Variants in UPF2 observed in about 807,000 individuals in gnomAD.
The protein encoded by UPF2 is regulator of nonsense transcripts 2.
A neutral mutation model predicts 141.4 loss-of-function variants in UPF2; 17 were observed. That is an observed-to-expected ratio of 0.12 (90% confidence interval 0.08 to 0.18). The LOEUF (loss-of-function observed/expected upper bound fraction) is 0.18. UPF2 is among the 10% of genes least tolerant of loss of function. The pLI is 1.00. For missense variants in UPF2, 1,152 were observed against 1,515.9 expected (o/e 0.76, Z 3.99); for synonymous variants, 540 against 498.0 (o/e 1.08, Z -1.12).
chr10:12,000,127 ACATT>A, intron 6 of UPF2, 118 bp from the exon 7 acceptor site: 1 of 769,980 alleles, frequency 1.3e-6, no homozygotes. Flanking sequence ...GCCCAGGAAA[ACATT>A]AGTCATTTTT....
intron 15 of UPF2, among the ~76,000 whole-genome samples, chr10:11,951,681 T>C (rs1458143576): frequency 6.6e-6 from 1 of 152,236 alleles, no homozygotes; most frequent in East Asian, 1.9e-4. Context: ...ACAGTTTCTT[T>C]GCTTGCACTT....
chr10:11,932,749 C>T (rs1832798170), intron 19 of UPF2, among the ~76,000 whole-genome samples: 1 of 152,048 alleles, frequency 6.6e-6, no homozygotes, highest in Non-Finnish European at 1.5e-5. Context: ...AACATAATAG[C>T]AATGAAGGTG....
Position 11,959,084 on chromosome 10 carries a change from A to AC in UPF2, c.2370+86dup. On this transcript the variant is annotated intron_variant, in intron 12 of 21. Transcript: ENST00000357604. The surrounding 1 kb of genome is among the most constrained non-coding windows in gnomAD (Gnocchi z 5.9). ...CTGATTATAAAGGAACTTGAGCTCT[A>AC]CCCCCACTTCTCCTAGACTCTACAT... is the stretch of plus-strand genomic sequence containing the variant. The AC allele has an allele frequency of 7.7e-7, 1 of 1,306,212 alleles. No individual in the cohort carries two copies. 80.9% of individuals were successfully genotyped at this position (1,306,212 alleles called of 1,614,324 possible). A position where few individuals can be genotyped will look rare whatever the true frequency, so the allele number is the denominator to read the frequency against.
chr10:12,022,070 G>A (rs1216684852), intron 3 of UPF2, among the ~76,000 whole-genome samples: 1 of 151,976 alleles, frequency 6.6e-6, no homozygotes, highest in African/African-American at 2.4e-5. Context: ...AACCTAGGAG[G>A]TGGAAGTTGC....
At chr10:11,994,333 A>C (rs1180481792) in intron 8 of UPF2, among the ~76,000 whole-genome samples, 4 of 152,218 alleles carry the variant, frequency 2.6e-5, no homozygotes, top group Non-Finnish European at 5.9e-5. Flanking sequence ...GGAAATCTTT[A>C]TGTCCTGAGA....
chr10:12,027,933 AAT>A (rs1305556529), intron 3 of UPF2, among the ~76,000 whole-genome samples: 1 of 152,188 alleles, frequency 6.6e-6, no homozygotes, highest in African/African-American at 2.4e-5. Context: ...GAAATATTAA[AAT>A]AGTTTAATAC....
chr10:12,032,117 A>C, intron 2 of UPF2, among the ~76,000 whole-genome samples: 1 of 151,928 alleles, frequency 6.6e-6, no homozygotes. Context: ...AACATGGAGA[A>C]ACACTGTCTC....
chr10:12,042,383 G>A lies in UPF2; in HGVS notation c.-19+372C>T, dbSNP rs1490635635. Among the ~76,000 whole-genome samples the A allele has an allele frequency of 6.6e-6, 1 of 151,634 alleles. No homozygotes were observed. The highest frequency in any genetic ancestry group is 2.4e-5 in the African/African-American group (1 of 41,246). On this transcript the variant is annotated intron_variant, in intron 1 of 21. Transcript: ENST00000357604. This position sits in a 1 kb window ranked among gnomAD's most constrained non-coding sequence, Gnocchi z 5.5. ...ACTTTCTCGCCCTCGCTTCCCTCCC[G>A]GCTCTCGAGGAGCTTCCCCCGACCT...
intron 19 of UPF2, among the ~76,000 whole-genome samples, chr10:11,932,566 A>T (rs1353340673): frequency 6.6e-6 from 1 of 152,220 alleles, no homozygotes; most frequent in Non-Finnish European, 1.5e-5. Flanking sequence ...TACTTAAAAA[A>T]AACATAAAAG....
intron 3 of UPF2, among the ~76,000 whole-genome samples, chr10:12,021,841 T>G (rs1834323337): frequency 6.6e-6 from 1 of 152,142 alleles, no homozygotes; most frequent in Non-Finnish European, 1.5e-5. Flanking sequence ...AAAATTGGCC[T>G]CAGAATTATC....
In UPF2 at chr10:11,995,756, C is replaced by G. The variant is rs149029476; in HGVS notation, c.1844+1916G>C. 5.3e-4 allele frequency among the ~76,000 whole-genome samples: 80 copies of G among 152,222 alleles called. No individual in the cohort carries two copies. In the East Asian group the frequency reaches 0.013, roughly 25 times the overall value. ...TGAGATCGCACCACTGCACTCCAGCCTGGGCGACAAGTGAGACTCTGTATC... is the reference window on the plus strand; with the variant it reads ...TGAGATCGCACCACTGCACTCCAGCGTGGGCGACAAGTGAGACTCTGTATC... On this transcript the variant is annotated intron_variant, in intron 8 of 21. Transcript: ENST00000357604.
At chr10:12,029,626 A>G (rs1834480434) in intron 2 of UPF2, 102 bp from the exon 3 acceptor site, 5 of 1,270,770 alleles carry the variant, frequency 3.9e-6, no homozygotes, top group Admixed American at 2.7e-5. Context: ...TTATCTAAGT[A>G]TAACAATCTA....
chr10:11,921,249 A>T lies in UPF2; in HGVS notation c.*49T>A, dbSNP rs761963040. Reference sequence around the variant, plus strand: ...CATTCAATTGCTGGAGGACTCCACTAACCACAACATCAGATACAGGACCTA... The same window carrying T: ...CATTCAATTGCTGGAGGACTCCACTTACCACAACATCAGATACAGGACCTA... On this transcript the variant is annotated 3_prime_UTR_variant, in exon 22 of 22. Transcript: ENST00000357604. This position sits in a 1 kb window ranked among gnomAD's most constrained non-coding sequence, Gnocchi z 5.9. 6.2e-7 allele frequency: 1 copy of T among 1,613,770 alleles called. No individual in the cohort carries two copies. Among genetic ancestry groups the T allele is most frequent in the East Asian group, 2.2e-5 (1 of 44,878 alleles).
intron 11 of UPF2, among the ~76,000 whole-genome samples, chr10:11,963,170 C>A (rs906446954): frequency 2.0e-5 from 3 of 152,168 alleles, no homozygotes; most frequent in African/African-American, 7.2e-5. Context: ...GTACCTCCTC[C>A]ATGAGCCCAC....
intron 10 of UPF2, among the ~76,000 whole-genome samples, chr10:11,966,588 C>T (rs1833324604): frequency 6.6e-6 from 1 of 152,106 alleles, no homozygotes; most frequent in Non-Finnish European, 1.5e-5. Context: ...CCATGCCTGG[C>T]TAATTTTGTA....
At chr10:11,993,456 T>G (rs1833814936) in intron 8 of UPF2, among the ~76,000 whole-genome samples, 8 of 152,092 alleles carry the variant, frequency 5.3e-5, no homozygotes, top group Admixed American at 5.2e-4. Flanking sequence ...GAATCATTAT[T>G]TAATCATGTA....
chr10:12,015,604 A>G (rs1487308203), intron 3 of UPF2, among the ~76,000 whole-genome samples: 7 of 152,314 alleles, frequency 4.6e-5, no homozygotes, highest in Non-Finnish European at 7.4e-5. Flanking sequence ...CAGGAGGCCG[A>G]GGCAGAAGAA....
At position 12,029,091 on chromosome 10, in the gene UPF2, G is replaced by A; in HGVS notation, c.799C>T (p.Arg267Cys). ...ACTATTGTCAATTCTGCAATAAAACGCAAATCAGTTCTTAACTTGGTGATG... is the reference window on the plus strand; with the variant it reads ...ACTATTGTCAATTCTGCAATAAAACACAAATCAGTTCTTAACTTGGTGATG... ...PNITKLRTDL[R>C]FIAELTIVGI... The change falls in exon 3 of 22, where the codon CGT becomes TGT. Residue 267 changes from arginine (R) to cysteine (C), a missense_variant. Coordinates refer to ENST00000357604, the MANE Select transcript of UPF2 (RefSeq NM_015542.4). The A allele has an allele frequency of 6.2e-7, 1 of 1,614,134 alleles. No homozygotes were observed. The highest frequency in any genetic ancestry group is 8.5e-7 in the Non-Finnish European group (1 of 1,180,034).
chr10:11,958,413 A>G (rs182582305), intron 12 of UPF2, among the ~76,000 whole-genome samples: 1 of 152,326 alleles, frequency 6.6e-6, no homozygotes, highest in East Asian at 1.9e-4. Flanking sequence ...TTTCCAACGA[A>G]GCTGGTATGA....
Sources: gnomAD v4.1 joint callset for allele counts (sites outside exome capture counted in the v4.1 genomes callset) on GRCh38, gnomAD v4.1.1 for gene constraint, Gnocchi (gnomAD v3.1) non-coding constraint, MANE v1.5 for transcripts, NCBI Gene and HGNC (gene_info 2026-07-23, HGNC 2026-07-21) for gene names.